Variants in ASAP1 observed in about 807,000 individuals in gnomAD.
ASAP1 encodes ArfGAP with SH3 domain, ankyrin repeat and PH domain 1.
A neutral mutation model predicts 145.2 loss-of-function variants in ASAP1; 43 were observed. The observed-to-expected ratio is 0.30, with a 90% CI of 0.23 to 0.38. ASAP1 has a LOEUF of 0.38. Among genes scored for constraint, ASAP1 ranks in the 10% least tolerant of loss-of-function variants. ASAP1 has a pLI of 1.00. For synonymous variants in ASAP1, 546 were observed against 515.5 expected (o/e 1.06, Z -0.80); for missense variants, 1,018 against 1,355.3 (o/e 0.75, Z 3.91).
chr8:130,147,783 C>T (rs1196356977), intron 13 of ASAP1, among the ~76,000 whole-genome samples: 1 of 152,200 alleles, frequency 6.6e-6, no homozygotes, highest in African/African-American at 2.4e-5. Context: ...TGGACACACA[C>T]ACATTATCTA....
chr8:130,120,252 C>CT (rs1315439830), intron 18 of ASAP1, among the ~76,000 whole-genome samples: 1 of 152,224 alleles, frequency 6.6e-6, no homozygotes, highest in East Asian at 1.9e-4. Context: ...CCAAGCCTGG[C>CT]TTCTGAGGCC....
At chr8:130,182,830 G>GCAAAAAAAAAAAAAAAAAAAAA (rs1814450506) in intron 7 of ASAP1, among the ~76,000 whole-genome samples, 1 of 43,024 alleles carries the variant, frequency 2.3e-5, no homozygotes, top group Non-Finnish European at 5.4e-5. Flanking sequence ...CTATAAAAAG[G>GCAAAAAAAAAAAAAAAAAAAAA]CAAAAAAAAA....
At position 130,326,124 on chromosome 8, in the gene ASAP1, T is replaced by C. The variant is rs559080883; in HGVS notation, c.186+31893A>G. ...CTAAGTAGTAGAGGGTTGCTGGAAA[T>C]CAGAGAAGGCTTTAAGGAGGAGGTG... On this transcript the variant is annotated intron_variant, in intron 3 of 29. Coordinates refer to ENST00000518721, the MANE Select transcript of ASAP1 (RefSeq NM_018482.4). Among the ~76,000 whole-genome samples, 3 of 152,244 alleles carry C rather than the reference T, an allele frequency of 2.0e-5. No individual in the cohort carries two copies. In the East Asian group the frequency reaches 5.8e-4, roughly 29 times the overall value.
At chr8:130,072,825 G>GTGTGCATGTGCGCGCGCGCGCGCGCA in intron 27 of ASAP1, among the ~76,000 whole-genome samples, 1 of 54,098 alleles carries the variant, frequency 1.8e-5, no homozygotes, top group Non-Finnish European at 3.6e-5. Flanking sequence ...GTGTGTGTGT[G>GTGTGCATGTGCGCGCGCGCGCGCGCA]CGCGCGGGGG....
rs115545559 is a variant in ASAP1 at position 130,293,006 on chromosome 8, G to A, written c.187-56012C>T. Among the ~76,000 whole-genome samples the A allele has an allele frequency of 2.9e-3, 438 of 152,328 alleles. 4 individuals carry two copies. The highest frequency in any genetic ancestry group is 0.01 in the African/African-American group (423 of 41,572). Reference sequence around the variant, plus strand: ...CTCAGTCTGGGAAGCCACTGCTCAAGATACTTGGCAAGTATTAAACAGTGA... The same window carrying A: ...CTCAGTCTGGGAAGCCACTGCTCAAAATACTTGGCAAGTATTAAACAGTGA... On this transcript the variant is annotated intron_variant, in intron 3 of 29. Transcript: ENST00000518721.
chr8:130,145,830 G>C (rs2097627955), intron 13 of ASAP1, among the ~76,000 whole-genome samples: 2 of 151,480 alleles, frequency 1.3e-5, no homozygotes, highest in Admixed American at 6.6e-5. Context: ...CAGAACATTA[G>C]GTCAAAGTAA....
chr8:130,248,494 TC>T (rs1440324185), intron 3 of ASAP1, among the ~76,000 whole-genome samples: 8 of 152,012 alleles, frequency 5.3e-5, no homozygotes, highest in Non-Finnish European at 1.0e-4. Flanking sequence ...CTGGGACCCA[TC>T]ACACAGGGAG....
Position 130,367,964 on chromosome 8 carries a change from G to A in ASAP1, c.60-9821C>T, listed in dbSNP as rs978903436. On this transcript the variant is annotated intron_variant, in intron 2 of 29. Coordinates refer to ENST00000518721, the MANE Select transcript of ASAP1 (RefSeq NM_018482.4). Reference sequence around the variant, plus strand: ...TCCACTTGAAACAGGAAAACTGCCCGCCCACTGCAGAGTTTTCTTCTTAAC... The same window carrying A: ...TCCACTTGAAACAGGAAAACTGCCCACCCACTGCAGAGTTTTCTTCTTAAC... 4.6e-5 allele frequency among the ~76,000 whole-genome samples: 7 copies of A among 152,012 alleles called. No homozygotes were observed. In the East Asian group the frequency reaches 1.2e-3, roughly 25 times the overall value.
At chr8:130,284,063 C>T (rs1443339378) in intron 3 of ASAP1, among the ~76,000 whole-genome samples, 1 of 152,148 alleles carries the variant, frequency 6.6e-6, no homozygotes, top group Non-Finnish European at 1.5e-5. Flanking sequence ...TCATCACATC[C>T]GCCTTAAATT....
chr8:130,332,387 C>G (rs955684201), intron 3 of ASAP1, among the ~76,000 whole-genome samples: 22 of 152,156 alleles, frequency 1.4e-4, no homozygotes, highest in African/African-American at 5.3e-4. Context: ...TATTCAATCC[C>G]ACTTCAAGTT....
At chr8:130,311,972 A>T (rs1171595671) in intron 3 of ASAP1, among the ~76,000 whole-genome samples, 3 of 152,188 alleles carry the variant, frequency 2.0e-5, no homozygotes, top group African/African-American at 4.8e-5. Flanking sequence ...ATCCGAATTC[A>T]GCCTAGAACA....
At chr8:130,219,953 C>T (rs1817191788) in intron 4 of ASAP1, among the ~76,000 whole-genome samples, 1 of 152,130 alleles carries the variant, frequency 6.6e-6, no homozygotes, top group Non-Finnish European at 1.5e-5. Flanking sequence ...TCATGACCGG[C>T]TAATTTTTAA....
At chr8:130,286,076 C>T (rs2137248685) in intron 3 of ASAP1, among the ~76,000 whole-genome samples, 1 of 152,276 alleles carries the variant, frequency 6.6e-6, no homozygotes, top group Admixed American at 6.5e-5. Context: ...CTCCCTCAAT[C>T]CTCACAACAA....
intron 16 of ASAP1, among the ~76,000 whole-genome samples, chr8:130,126,799 A>T (rs1164609783): frequency 6.6e-6 from 1 of 152,216 alleles, no homozygotes; most frequent in Non-Finnish European, 1.5e-5. Flanking sequence ...TGAGGTGCTT[A>T]TGGCTTCTTG....
At chr8:130,072,824 T>TGTGTGTGTGTGTGTGTGTGC in intron 27 of ASAP1, among the ~76,000 whole-genome samples, 2 of 32,284 alleles carry the variant, frequency 6.2e-5, no homozygotes. Context: ...TGTGTGTGTG[T>TGTGTGTGTGTGTGTGTGTGC]GCGCGCGGGG....
chr8:130,219,557 A>C (rs1307810856), intron 4 of ASAP1, among the ~76,000 whole-genome samples: 1 of 152,188 alleles, frequency 6.6e-6, no homozygotes, highest in Non-Finnish European at 1.5e-5. Context: ...TCACTTCAAG[A>C]GGTTTCAGAG....
chr8:130,259,863 G>A (rs993693395), intron 3 of ASAP1, among the ~76,000 whole-genome samples: 4 of 152,276 alleles, frequency 2.6e-5, no homozygotes, highest in Admixed American at 6.5e-5. Flanking sequence ...TGTGGATAAT[G>A]CTCATGAGGA....
At chr8:130,270,404 C>G (rs889507200) in intron 3 of ASAP1, among the ~76,000 whole-genome samples, 1 of 152,194 alleles carries the variant, frequency 6.6e-6, no homozygotes, top group Non-Finnish European at 1.5e-5. Context: ...AACATTCTTT[C>G]TGTCTGATCT....
At chr8:130,251,659 T>C (rs1033887400) in intron 3 of ASAP1, among the ~76,000 whole-genome samples, 1 of 152,130 alleles carries the variant, frequency 6.6e-6, no homozygotes, top group African/African-American at 2.4e-5. Context: ...CATATCGAAG[T>C]TGACATCTCT....
Sources: gnomAD v4.1 joint callset for allele counts (sites outside exome capture counted in the v4.1 genomes callset) on GRCh38, gnomAD v4.1.1 for gene constraint, MANE v1.5 for transcripts, NCBI Gene and HGNC (gene_info 2026-07-23, HGNC 2026-07-21) for gene names.